MYH13: variants seen among roughly 807,000 people sequenced by gnomAD.
MYH13 encodes myosin heavy chain 13.
MYH13 carries 177 observed loss-of-function variants against 232.1 expected under a neutral mutation model. The ratio of observed to expected loss-of-function variants is 0.76; its 90% CI spans 0.67 to 0.86. MYH13 has a LOEUF of 0.86. Ranked by LOEUF, MYH13 falls within the 40% of genes least tolerant of loss-of-function variation. The pLI is 0.00. For synonymous variants in MYH13, 884 were observed against 923.5 expected (o/e 0.96, Z 0.78); for missense variants, 2,246 against 2,405.9 (o/e 0.93, Z 1.39).
In MYH13 at chr17:10,309,355, C is replaced by A; in HGVS notation, c.5048G>T (p.Gly1683Val). 6.2e-7 allele frequency: 1 copy of A among 1,613,670 alleles called. No individual in the cohort carries two copies. The highest frequency in any genetic ancestry group is 1.7e-5 in the Admixed American group (1 of 59,966). Reference protein sequence around the residue: ...EQLAIVERRNGLLLEELEEMK... With the variant: ...EQLAIVERRNVLLLEELEEMK... Reference sequence around the variant, plus strand: ...TTCCTCCAGCTCCTCCAGCAGGAGGCCATTCCTGCGCTCCACGATGGCCAG... The same window carrying A: ...TTCCTCCAGCTCCTCCAGCAGGAGGACATTCCTGCGCTCCACGATGGCCAG... The change falls in exon 35 of 41, where the codon GGC (glycine) becomes GTC (valine). Residue 1683 changes from glycine (G) to valine (V), a missense_variant. Transcript: ENST00000252172.
At chr17:10,368,196 G>A (rs1019623193) in intron 2 of MYH13, among the ~76,000 whole-genome samples, 18 of 152,128 alleles carry the variant, frequency 1.2e-4, no homozygotes, top group Non-Finnish European at 2.6e-4. Flanking sequence ...AATTCTTTCA[G>A]TACTAGGAAG....
At chr17:10,342,587 A>C (rs2071626597) in intron 16 of MYH13, among the ~76,000 whole-genome samples, 1 of 152,242 alleles carries the variant, frequency 6.6e-6, no homozygotes, top group African/African-American at 2.4e-5. Flanking sequence ...AAAATGTGAT[A>C]TATTCATACA....
chr17:10,329,190 C>T (rs374373803), intron 21 of MYH13, among the ~76,000 whole-genome samples: 1 of 152,044 alleles, frequency 6.6e-6, no homozygotes, highest in African/African-American at 2.4e-5. Flanking sequence ...TACATGGTGG[C>T]GGTTCATTAT....
rs2071670939 is a variant in MYH13, at chr17:10,346,873, C to G, written c.1145-75G>C. The G allele has an allele frequency of 4.6e-6, 5 of 1,081,574 alleles. No homozygotes were observed. In the South Asian group the frequency reaches 6.9e-5, roughly 15 times the overall value. 67.0% of individuals were successfully genotyped at this position (1,081,574 alleles called of 1,614,324 possible). A position where few individuals can be genotyped will look rare whatever the true frequency, so the allele number is the denominator to read the frequency against. ...GTGTCCAGTCAGCCCCTGGCTTCTC[C>G]CAGAAGTGTTTTCTGTAATTTTCTT... is the stretch of plus-strand genomic sequence containing the variant. On this transcript the variant is annotated intron_variant, in intron 12 of 40. Transcript: ENST00000252172.
At chr17:10,337,672 G>C (rs2071586117) in intron 18 of MYH13, among the ~76,000 whole-genome samples, 1 of 152,198 alleles carries the variant, frequency 6.6e-6, no homozygotes, top group Admixed American at 6.5e-5. Flanking sequence ...CCCAGAAATT[G>C]ACATGAAAAC....
At chr17:10,327,730 G>C in intron 22 of MYH13, 136 bp downstream of exon 22, 2 of 1,072,192 alleles carry the variant, frequency 1.9e-6, no homozygotes, top group East Asian at 2.6e-5. Flanking sequence ...GAGCAAGGTG[G>C]TGCTGCAATA....
intron 18 of MYH13, among the ~76,000 whole-genome samples, chr17:10,339,469 G>T (rs2071604380): frequency 1.3e-5 from 2 of 152,198 alleles, no homozygotes; most frequent in South Asian, 4.1e-4. Flanking sequence ...AGGATTCGAG[G>T]TAATATAACA....
In MYH13 at chr17:10,312,207, G is replaced by A. The variant is rs1170639001; in HGVS notation, c.4366-131C>T. The A allele has an allele frequency of 8.8e-6, 9 of 1,023,988 alleles. No homozygotes were observed. In the Admixed American group the frequency reaches 2.0e-4, roughly 22 times the overall value. The allele number at this position is 1,023,988 out of a possible 1,614,324, so 63.4% of individuals were successfully genotyped here. A position where few individuals can be genotyped will look rare whatever the true frequency, so the allele number is the denominator to read the frequency against. On this transcript the variant is annotated intron_variant, in intron 31 of 40. Transcript: ENST00000252172. ...CTTAGGGACTGAAGAAGGAGGAGGA[G>A]CACTGTTCTAGATCAGGGACCCCAA...
rs1418256013 is a variant in MYH13 at position 10,350,678 on chromosome 17, A to G, written c.1022T>C (p.Leu341Pro). 3.7e-6 allele frequency: 6 copies of G among 1,613,860 alleles called. No homozygotes were observed. The highest frequency in any genetic ancestry group is 1.7e-5 in the Admixed American group (1 of 59,996). ...LLATDNAIDILGFSSEEKVGI... is the reference protein window; with the variant it reads ...LLATDNAIDIPGFSSEEKVGI... Reference sequence around the variant, plus strand: ...GACTTTCTCCTCTGAGCTGAAGCCCAGGATGTCAATGGCATTCTGGAAAGA... The same window carrying G: ...GACTTTCTCCTCTGAGCTGAAGCCCGGGATGTCAATGGCATTCTGGAAAGA... Residue 341 changes from leucine to proline, a missense_variant, in exon 12 of 41, where the codon CTG becomes CCG. Leu to Pro is a moderately conservative substitution (Grantham distance 98). Transcript: ENST00000252172.
chr17:10,350,418 G>T, intron 12 of MYH13, 138 bp downstream of exon 12: 1 of 1,242,818 alleles, frequency 8.0e-7, no homozygotes, highest in Non-Finnish European at 1.1e-6. Context: ...ATGCTACAAT[G>T]AGCTTCAGGA....
At chr17:10,338,702 T>TTG (rs559108196) in intron 18 of MYH13, among the ~76,000 whole-genome samples, 4,442 of 142,416 alleles carry the variant, frequency 0.031, 150 homozygotes, top group African/African-American at 0.079. Context: ...TTTTTTTTTT[T>TTG]TTTGTTTGTT....
At chr17:10,315,081 A>G (rs1906652423) in intron 29 of MYH13, among the ~76,000 whole-genome samples, 1 of 152,212 alleles carries the variant, frequency 6.6e-6, no homozygotes, top group Non-Finnish European at 1.5e-5. Context: ...ATTGCTGGGC[A>G]GAATGATCAA....
intron 23 of MYH13, among the ~76,000 whole-genome samples, chr17:10,322,124 G>T (rs7220697): frequency 6.6e-6 from 1 of 152,164 alleles, no homozygotes; most frequent in Admixed American, 6.5e-5. Flanking sequence ...CGGGCGCGGT[G>T]GCTCACGCCT....
intron 8 of MYH13, among the ~76,000 whole-genome samples, chr17:10,356,243 AG>A (rs1387563392): frequency 3.9e-5 from 6 of 152,212 alleles, no homozygotes; most frequent in Non-Finnish European, 7.4e-5. Context: ...GGATCAGTAA[AG>A]GCACATGTGC....
At chr17:10,361,179 G>A (rs2071789533) in intron 5 of MYH13, among the ~76,000 whole-genome samples, 1 of 152,060 alleles carries the variant, frequency 6.6e-6, no homozygotes, top group Non-Finnish European at 1.5e-5. Flanking sequence ...AAAATATTAA[G>A]TTTGCAGACA....
rs374586306 is a variant in MYH13 at position 10,359,568 on chromosome 17, G to A, written c.645+392C>T. ...TCTAGGTAATTACCAAACCTGAGACGGGGGTCGTGAGCTCCTCCCAATTAA... is the reference window on the plus strand; with the variant it reads ...TCTAGGTAATTACCAAACCTGAGACAGGGGTCGTGAGCTCCTCCCAATTAA... On this transcript the variant is annotated intron_variant, in intron 7 of 40. Coordinates refer to ENST00000252172, the MANE Select transcript of MYH13 (RefSeq NM_003802.3). Among the ~76,000 whole-genome samples the A allele has an allele frequency of 5.3e-5, 8 of 152,304 alleles. No individual in the cohort carries two copies. In the South Asian group the frequency reaches 6.2e-4, roughly 12 times the overall value.
Position 10,303,428 on chromosome 17 carries a change from T to A in MYH13, c.5537A>T (p.Lys1846Met), listed in dbSNP as rs1363570958. The A allele has an allele frequency of 6.2e-7, 1 of 1,613,882 alleles. No homozygotes were observed. Among genetic ancestry groups the A allele is most frequent in the Non-Finnish European group, 8.5e-7 (1 of 1,179,890 alleles). Residue 1846 changes from lysine (K) to methionine (M), a missense_variant, in exon 38 of 41, where the codon AAG (lysine) becomes ATG (methionine). Physicochemically the swap from Lys to Met is moderately conservative, Grantham distance 95. Coordinates refer to ENST00000252172, the MANE Select transcript of MYH13 (RefSeq NM_003802.3). The part of the protein sequence containing the change: ...RGAEALKGAH[K>M]YERKVKEMTY... ...CATCTCCTTGACTTTGCGTTCGTAC[T>A]TGTGGGCTCCCTTCAGGGCTTCAGC... is the stretch of plus-strand genomic sequence containing the variant.
At chr17:10,355,476 A>C (rs1437232583) in intron 8 of MYH13, among the ~76,000 whole-genome samples, 3 of 152,204 alleles carry the variant, frequency 2.0e-5, no homozygotes, top group Non-Finnish European at 4.4e-5. Flanking sequence ...GTCCGTAAAC[A>C]AACAAATAAA....
At chr17:10,365,659 A>G (rs887153432) in intron 2 of MYH13, among the ~76,000 whole-genome samples, 5 of 152,214 alleles carry the variant, frequency 3.3e-5, no homozygotes, top group African/African-American at 9.6e-5. Context: ...AGACCCACCC[A>G]AGATAATGGG....
Sources: allele counts gnomAD v4.1 joint callset (sites outside exome capture counted in the v4.1 genomes callset), GRCh38; gene constraint gnomAD v4.1.1; transcripts MANE v1.5; gene names NCBI Gene and HGNC (gene_info 2026-07-23, HGNC 2026-07-21).